The following RRM2 variants were observed in gnomAD, a reference collection of about 807,000 sequenced individuals.
RRM2 encodes the protein ribonucleotide reductase regulatory subunit M2.
RRM2 carries 6 observed loss-of-function variants against 45.9 expected under a neutral mutation model. The ratio of observed to expected loss-of-function variants is 0.13; its 90% CI spans 0.07 to 0.26. The LOEUF (loss-of-function observed/expected upper bound fraction) is 0.26, where lower values mean the gene tolerates loss of function less well. Among genes scored for constraint, RRM2 ranks in the 10% least tolerant of loss-of-function variants. The pLI, the probability that RRM2 is intolerant of heterozygous loss-of-function variation, is 1.00. For synonymous variants in RRM2, 177 were observed against 173.0 expected, an observed-to-expected ratio of 1.02 and a Z score of -0.18; for missense variants, 343 against 489.5, an observed-to-expected ratio of 0.70 and a Z score of 2.82.
chr2:10,177,719 C>T (rs865997786), intron 3 of RRM2, among the ~76,000 whole-genome samples: 17 of 147,720 alleles, frequency 1.2e-4, no homozygotes, highest in African/African-American at 4.0e-4. Flanking sequence ...CTCTCCCTCC[C>T]TCCCTCCCTC....
intron 3 of RRM2, among the ~76,000 whole-genome samples, chr2:10,187,661 C>T (rs1403218306): frequency 6.6e-6 from 1 of 152,132 alleles, no homozygotes; most frequent in Non-Finnish European, 1.5e-5. Flanking sequence ...CCCAGCCTTC[C>T]TTGTGTGTAA....
chr2:10,132,995 G>A (rs1054995404), downstream of RRM2, among the ~76,000 whole-genome samples: 3 of 152,024 alleles, frequency 2.0e-5, no homozygotes, highest in East Asian at 1.9e-4. Flanking sequence ...CATCCTCCCC[G>A]GCCTCACCCC....
intron 3 of RRM2, among the ~76,000 whole-genome samples, chr2:10,177,710 T>TCC (rs1412223767): frequency 0.015 from 1,751 of 116,440 alleles, 38 homozygotes; most frequent in African/African-American, 0.052. Context: ...TTCCTTCCTC[T>TCC]CTCCCTCCCT....
At chr2:10,138,599 C>G (rs976875635), upstream of RRM2, among the ~76,000 whole-genome samples, 7 of 152,120 alleles carry the variant, frequency 4.6e-5, no homozygotes, top group Non-Finnish European at 7.4e-5. Context: ...CTGCACCCGG[C>G]CTTTCACCTC....
intron 3 of RRM2, among the ~76,000 whole-genome samples, chr2:10,146,771 A>AC (rs1388137702): frequency 1.3e-5 from 2 of 151,870 alleles, no homozygotes; most frequent in African/African-American, 4.8e-5. Context: ...AAGGGCAGCG[A>AC]CCCCCAGCCT....
chr2:10,195,188 C>T lies in RRM2; in HGVS notation n.483-15123C>T, dbSNP rs547666418. 6.6e-6 allele frequency among the ~76,000 whole-genome samples: 1 copy of T among 152,230 alleles called. No individual in the cohort carries two copies. Among genetic ancestry groups the T allele is most frequent in the South Asian group, 2.1e-4 (1 of 4,816 alleles). On this transcript the variant is annotated intron_variant and non_coding_transcript_variant, in intron 3 of 3. Transcript: ENST00000381786. The surrounding 1 kb of genome is among the most constrained non-coding windows in gnomAD (Gnocchi z 4.9). ...GGGCAACAGGCATGTTCTGGAAGAC[C>T]CACCGTCTGAGGGGTCATGTGACAG...
rs540535789 is a variant in RRM2, at chr2:10,193,867, C to T, written n.483-16444C>T. 3.3e-5 allele frequency among the ~76,000 whole-genome samples: 5 copies of T among 152,312 alleles called. No individual in the cohort carries two copies. In the East Asian group the frequency reaches 7.7e-4, roughly 23 times the overall value. ...AGAGCCAAAACCCAAGCTGTCAAAA[C>T]GACCAGCAAGAAAGACAGTTTGGAT... On this transcript the variant is annotated intron_variant and non_coding_transcript_variant, in intron 3 of 3. Transcript: ENST00000381786.
At chr2:10,141,554 T>TG (rs1334837687) in exon 1 of RRM2, 1 of 408,060 alleles carries the variant, frequency 2.5e-6, no homozygotes, top group Non-Finnish European at 4.6e-6. Context: ...CTATTAACTG[T>TG]GGTTGTGCTG....
upstream of RRM2, among the ~76,000 whole-genome samples, chr2:10,138,188 A>G (rs539034200): frequency 1.5e-5 from 2 of 134,798 alleles, no homozygotes; most frequent in Admixed American, 7.6e-5. Flanking sequence ...TTTTTTTGAG[A>G]TGGAGTTTCT....
At chr2:10,182,543 G>C (rs1664083128) in intron 3 of RRM2, among the ~76,000 whole-genome samples, 1 of 152,214 alleles carries the variant, frequency 6.6e-6, no homozygotes, top group South Asian at 2.1e-4. Flanking sequence ...CTGGACGCTA[G>C]TCCCAGCTAC....
chr2:10,179,024 G>A (rs1387517840), intron 3 of RRM2, among the ~76,000 whole-genome samples: 1 of 149,484 alleles, frequency 6.7e-6, no homozygotes, highest in Non-Finnish European at 1.5e-5. Flanking sequence ...TATAAATTAT[G>A]CAGTCTAGGG....
intron 3 of RRM2, among the ~76,000 whole-genome samples, chr2:10,186,959 G>C (rs1418026562): frequency 6.6e-6 from 1 of 152,254 alleles, no homozygotes; most frequent in Non-Finnish European, 1.5e-5. Context: ...CAAGGACCCA[G>C]GAGCTCTGGT....
chr2:10,141,427 C>T (rs1426717921), exon 1 of RRM2: 1 of 215,402 alleles, frequency 4.6e-6, no homozygotes, highest in Non-Finnish European at 9.4e-6. Context: ...AGGATGTTGT[C>T]CCCATGTTAG....
intron 3 of RRM2, among the ~76,000 whole-genome samples, chr2:10,173,561 C>A (rs1403602797): frequency 1.3e-5 from 2 of 152,244 alleles, no homozygotes; most frequent in Admixed American, 6.5e-5. Flanking sequence ...AGTAGCTCTT[C>A]CCACCACCCC....
intron 3 of RRM2, among the ~76,000 whole-genome samples, chr2:10,200,851 G>T (rs962730690): frequency 6.6e-6 from 1 of 152,160 alleles, no homozygotes; most frequent in African/African-American, 2.4e-5. Flanking sequence ...TGCCATAAAA[G>T]AAAACAGACT....
chr2:10,135,536 A>G (rs1358512136), downstream of RRM2, among the ~76,000 whole-genome samples: 1 of 152,082 alleles, frequency 6.6e-6, no homozygotes, highest in Non-Finnish European at 1.5e-5. Context: ...AGAGGAGTTA[A>G]AGCTTGACGG....
intron 3 of RRM2, among the ~76,000 whole-genome samples, chr2:10,157,016 CTTTTTT>C (rs71391198): frequency 1.2e-5 from 1 of 85,926 alleles, no homozygotes; most frequent in East Asian, 3.7e-4. Flanking sequence ...CAGCCCATTT[CTTTTTT>C]TTTTTTTTTT....
Position 10,130,601 on chromosome 2 carries a change from T to C in RRM2, c.*1215T>C, listed in dbSNP as rs1662877769. ...CCATGAGCTGTTAATACAGTTTCCA[T>C]TCAAATATTAATTTCAGAATGAAAC... On this transcript the variant is annotated 3_prime_UTR_variant, in exon 10 of 10. Coordinates refer to ENST00000304567, the MANE Select transcript of RRM2 (RefSeq NM_001034.4). 6.6e-6 allele frequency: 1 copy of C among 152,076 alleles called. No individual in the cohort carries two copies. The highest frequency in any genetic ancestry group is 1.5e-5 in the Non-Finnish European group (1 of 68,042). The allele number at this position is 152,076 out of a possible 1,614,324, so 9.4% of individuals were successfully genotyped here. A position where few individuals can be genotyped will look rare whatever the true frequency, so the allele number is the denominator to read the frequency against.
rs1425930929 is a variant in RRM2 at position 10,190,006 on chromosome 2, AGATGATGGT to A, written n.483-20294_483-20286del. 1.4e-3 allele frequency among the ~76,000 whole-genome samples: 201 copies of A among 146,362 alleles called. 2 individuals carry two copies. Among genetic ancestry groups the A allele is most frequent in the African/African-American group, 4.1e-3 (160 of 38,768 alleles). ...GTGGTGATGGTACTGATGATGGTGG[AGATGATGGT>A]GATGATGGTGGTGATGGTGGTGATG... is the stretch of plus-strand genomic sequence containing the variant. On this transcript the variant is annotated intron_variant and non_coding_transcript_variant, in intron 3 of 3. Coordinates refer to the RRM2 transcript ENST00000381786.
Sources: allele counts gnomAD v4.1 joint callset (sites outside exome capture counted in the v4.1 genomes callset), GRCh38; gene constraint gnomAD v4.1.1; non-coding constraint Gnocchi (gnomAD v3.1); transcripts MANE v1.5; gene names NCBI Gene and HGNC (gene_info 2026-07-23, HGNC 2026-07-21).